CLIC5: variants seen among roughly 807,000 people sequenced by gnomAD.
CLIC5 encodes CLIC family member 5, also known as chloride intracellular channel protein 5.
In CLIC5, 20 loss-of-function variants were observed where a neutral mutation model predicts 24.7. The observed-to-expected ratio is 0.81, with a 90% CI of 0.57 to 1.18. The LOEUF is 1.18. Ranked by LOEUF, CLIC5 falls within the 50% of genes most tolerant of loss-of-function variation. CLIC5 has a pLI of 0.00. For synonymous variants in CLIC5, 159 were observed against 135.6 expected (o/e 1.17, Z -1.20); for missense variants, 341 against 326.1 (o/e 1.05, Z -0.35).
At chr6:46,030,220 C>T (rs1767459732) in intron 1 of CLIC5, among the ~76,000 whole-genome samples, 1 of 152,150 alleles carries the variant, frequency 6.6e-6, no homozygotes, top group African/African-American at 2.4e-5. Context: ...CCATATCCCG[C>T]ATTTTCTTTA....
the CLIC5 span, among the ~76,000 whole-genome samples, chr6:46,122,684 C>A: frequency 6.6e-6 from 1 of 151,794 alleles, no homozygotes; most frequent in East Asian, 1.9e-4. Context: ...AGACCACTAG[C>A]AAGACTAATA....
At chr6:45,896,384 A>G (rs1209993209), downstream of CLIC5, among the ~76,000 whole-genome samples, 3 of 152,246 alleles carry the variant, frequency 2.0e-5, no homozygotes, top group Non-Finnish European at 4.4e-5. Flanking sequence ...AATCTCATAG[A>G]CAAGGAGCCT....
In CLIC5 at chr6:45,913,297, G is replaced by C. The variant is rs573549232; in HGVS notation, c.588+931C>G. ...TGGCTATCTGATACTAGGCTGACGAGGGTCAGGAAAGAATGGGGGAAGAAG... is the reference window on the plus strand; with the variant it reads ...TGGCTATCTGATACTAGGCTGACGACGGTCAGGAAAGAATGGGGGAAGAAG... On this transcript the variant is annotated intron_variant, in intron 5 of 5. Transcript: ENST00000339561. Among the ~76,000 whole-genome samples, 9 of 152,172 alleles carry C rather than the reference G, an allele frequency of 5.9e-5. No homozygotes were observed. The East Asian group carries it at 1.7e-3, about 29-fold the overall frequency.
At chr6:45,945,993 C>T (rs1442721747) in intron 3 of CLIC5, among the ~76,000 whole-genome samples, 1 of 152,168 alleles carries the variant, frequency 6.6e-6, no homozygotes, top group African/African-American at 2.4e-5. Flanking sequence ...GAGACAATAA[C>T]CAGCTCTGGA....
At chr6:45,896,019 T>G (rs1762390098), downstream of CLIC5, among the ~76,000 whole-genome samples, 1 of 152,198 alleles carries the variant, frequency 6.6e-6, no homozygotes, top group South Asian at 2.1e-4. Flanking sequence ...TCTTCCCAAA[T>G]TTTGAGTATG....
chr6:45,968,786 G>C (rs9472632), intron 1 of CLIC5, among the ~76,000 whole-genome samples: 76,689 of 151,954 alleles, frequency 0.5, 20,245 homozygotes, highest in East Asian at 0.76. Flanking sequence ...GCAGTAAGAT[G>C]TTTGTTAGCA....
intron 4 of CLIC5, 60 bp from the exon 5 acceptor site, chr6:45,914,469 G>A (rs1236120259): frequency 9.6e-6 from 14 of 1,460,196 alleles, no homozygotes; most frequent in Non-Finnish European, 1.3e-5. Flanking sequence ...TACAGTCATA[G>A]GGTCTTCAGA....
At chr6:45,912,058 A>T (rs1299415213) in intron 5 of CLIC5, 35 of 985,794 alleles carry the variant, frequency 3.6e-5, no homozygotes, top group African/African-American at 5.2e-5. Context: ...GCACACGGAG[A>T]TCTGACGTTC....
chr6:45,969,799 T>TG (rs1765136238), intron 1 of CLIC5, among the ~76,000 whole-genome samples: 1 of 148,050 alleles, frequency 6.8e-6, no homozygotes, highest in African/African-American at 2.5e-5. Flanking sequence ...CATCAAGGTT[T>TG]TTTTTTTTTT....
chr6:46,104,678 AAAAGG>A, the CLIC5 span, among the ~76,000 whole-genome samples: 25 of 152,062 alleles, frequency 1.6e-4, no homozygotes, highest in Non-Finnish European at 3.2e-4. Flanking sequence ...AAAAAAAAAA[AAAAGG>A]AAATTTGGAG....
At position 45,881,424 on chromosome 6, in the gene CLIC5, T is replaced by A. The variant is rs185780389; in HGVS notation, c.624-236A>T. Among the ~76,000 whole-genome samples the A allele has an allele frequency of 4.9e-4, 74 of 152,202 alleles. 2 individuals are homozygous for A. The East Asian group carries it at 0.011, about 24-fold the overall frequency. ...CCTGCCTCCTTCTTAAAAATTGCAGTGCATCTCAGCTGAAGAAGGCCTTCC... is the reference window on the plus strand; with the variant it reads ...CCTGCCTCCTTCTTAAAAATTGCAGAGCATCTCAGCTGAAGAAGGCCTTCC... On this transcript the variant is annotated intron_variant, in intron 6 of 6. Transcript: ENST00000644324.
intron 1 of CLIC5, among the ~76,000 whole-genome samples, chr6:45,986,176 C>T (rs1383907762): frequency 6.6e-6 from 1 of 152,192 alleles, no homozygotes; most frequent in African/African-American, 2.4e-5. Flanking sequence ...TCTTTATTAG[C>T]AGCATGAGAA....
chr6:46,049,274 C>T (rs1025901239), intron 1 of CLIC5, among the ~76,000 whole-genome samples: 3 of 152,116 alleles, frequency 2.0e-5, no homozygotes, highest in African/African-American at 7.2e-5. Flanking sequence ...ATATTTTTAA[C>T]CTACCTCCAA....
At chr6:46,065,516 C>T (rs1762418060) in intron 1 of CLIC5, among the ~76,000 whole-genome samples, 1 of 151,990 alleles carries the variant, frequency 6.6e-6, no homozygotes, top group African/African-American at 2.4e-5. Context: ...GAAAAGAATC[C>T]AAGTGCCCTC....
chr6:45,956,820 T>C (rs758003735), intron 1 of CLIC5, among the ~76,000 whole-genome samples: 1 of 152,162 alleles, frequency 6.6e-6, no homozygotes, highest in Non-Finnish European at 1.5e-5. Context: ...CCCTGAGTCT[T>C]GAGAAAGCAC....
intron 2 of CLIC5, among the ~76,000 whole-genome samples, chr6:45,950,866 T>G (rs1368784366): frequency 2.6e-5 from 4 of 152,180 alleles, no homozygotes; most frequent in Non-Finnish European, 5.9e-5. Context: ...AGAAGTTATT[T>G]TTCTTTAAAT....
intron 4 of CLIC5, among the ~76,000 whole-genome samples, chr6:45,926,248 ATT>A (rs1353372567): frequency 9.1e-6 from 1 of 110,494 alleles, no homozygotes; most frequent in East Asian, 3.4e-4. Flanking sequence ...TATATATTTT[ATT>A]TTTTTTATTT....
At chr6:45,964,440 A>G (rs1764953651) in intron 1 of CLIC5, among the ~76,000 whole-genome samples, 1 of 152,072 alleles carries the variant, frequency 6.6e-6, no homozygotes, top group Admixed American at 6.5e-5. Context: ...GGATGAATGG[A>G]ATATGGCAGA....
intron 1 of CLIC5, among the ~76,000 whole-genome samples, chr6:46,044,242 C>A (rs1168589441): frequency 1.3e-5 from 2 of 151,942 alleles, no homozygotes; most frequent in Non-Finnish European, 1.5e-5. Context: ...GGCTTTTTGA[C>A]TAATAAAAAA....
Sources: allele counts gnomAD v4.1 joint callset (sites outside exome capture counted in the v4.1 genomes callset), GRCh38; gene constraint gnomAD v4.1.1; transcripts MANE v1.5; gene names NCBI Gene and HGNC (gene_info 2026-07-23, HGNC 2026-07-21).